UBAP2: variants seen among roughly 807,000 people sequenced by gnomAD.
UBAP2 encodes the protein ubiquitin-associated protein 2.
A neutral mutation model predicts 139.6 loss-of-function variants in UBAP2; 75 were observed. The observed-to-expected ratio is 0.54, with a 90% confidence interval of 0.45 to 0.65. The LOEUF (loss-of-function observed/expected upper bound fraction) is 0.65, where lower values mean the gene tolerates loss of function less well. Ranked by LOEUF, UBAP2 falls within the 30% of genes least tolerant of loss-of-function variation. The pLI, the probability that UBAP2 is intolerant of heterozygous loss-of-function variation, is 0.00. For missense variants in UBAP2, 1,368 were observed against 1,369.6 expected, an observed-to-expected ratio of 1.00 and a Z score of 0.02; for synonymous variants, 526 against 526.2, an observed-to-expected ratio of 1.00 and a Z score of 0.01.
At chr9:33,975,418 T>G (rs1587595116) in intron 6 of UBAP2, among the ~76,000 whole-genome samples, 7 of 132,078 alleles carry the variant, frequency 5.3e-5, no homozygotes, top group Admixed American at 7.9e-5. Flanking sequence ...GGTGACAGAG[T>G]GAGGCTCTAT....
intron 2 of UBAP2, among the ~76,000 whole-genome samples, chr9:34,011,910 A>T (rs759883952): frequency 1.3e-5 from 2 of 152,050 alleles, no homozygotes; most frequent in African/African-American, 4.8e-5. Flanking sequence ...ATGAATCCAA[A>T]TTTTTTTTAA....
chr9:34,012,838 G>GT lies in UBAP2; in HGVS notation c.99+4211dup, dbSNP rs1237270737. Among the ~76,000 whole-genome samples, 434 of 135,556 alleles carry GT rather than the reference G, an allele frequency of 3.2e-3. 2 individuals are homozygous for GT. The highest frequency in any genetic ancestry group is 5.7e-3 in the Non-Finnish European group (341 of 59,830). 88.9% of individuals were successfully genotyped at this position (135,556 alleles called of 152,430 possible). A position where few individuals can be genotyped will look rare whatever the true frequency, so the allele number is the denominator to read the frequency against. On this transcript the variant is annotated intron_variant, in intron 2 of 28. Coordinates refer to ENST00000379238, the MANE Select transcript of UBAP2 (RefSeq NM_001370062.2). ...GCAACTTTTCCGTAAATCTCACAAT[G>GT]TATTTTTTTTTTTTTTAAATTGAGG...
intron 19 of UBAP2, chr9:33,928,257 G>A (rs1823649862): frequency 7.8e-6 from 3 of 386,446 alleles, no homozygotes; most frequent in Admixed American, 8.3e-5. Context: ...ACAACTCTCT[G>A]TAAAAATCCT....
chr9:33,970,437 ATTT>A (rs796983789), intron 8 of UBAP2, among the ~76,000 whole-genome samples: 1 of 144,030 alleles, frequency 6.9e-6, no homozygotes, highest in African/African-American at 2.5e-5. Flanking sequence ...TGTGTGCATT[ATTT>A]TTTTTTTTCA....
chr9:33,970,002 T>C (rs1827795375), intron 8 of UBAP2, among the ~76,000 whole-genome samples: 1 of 121,042 alleles, frequency 8.3e-6, no homozygotes, highest in African/African-American at 3.1e-5. Flanking sequence ...CGATCTCAGC[T>C]CACTGCAACC....
intron 1 of UBAP2, among the ~76,000 whole-genome samples, chr9:34,037,751 A>G (rs751275215): frequency 1.8e-4 from 27 of 152,268 alleles, no homozygotes; most frequent in Middle Eastern, 6.8e-3. Context: ...TCAGTAGTGT[A>G]CTTCAGTCAC....
At chr9:33,982,539 A>C (rs1820853487) in intron 6 of UBAP2, among the ~76,000 whole-genome samples, 1 of 151,342 alleles carries the variant, frequency 6.6e-6, no homozygotes, top group Non-Finnish European at 1.5e-5. Flanking sequence ...GTTTAAATGG[A>C]CTATGTTTTT....
intron 15 of UBAP2, among the ~76,000 whole-genome samples, chr9:33,942,247 G>A (rs1384492810): frequency 6.6e-6 from 1 of 152,134 alleles, no homozygotes; most frequent in Non-Finnish European, 1.5e-5. Context: ...GGGAGGCAGA[G>A]GTTGCAGTGA....
rs542257002 is a variant in UBAP2 at position 34,005,078 on chromosome 9, C to T, written c.100-6214G>A. On this transcript the variant is annotated intron_variant, in intron 2 of 28. Coordinates refer to ENST00000379238, the MANE Select transcript of UBAP2 (RefSeq NM_001370062.2). ...AGGAGTTCAAGACCAGCCTGGCCAA[C>T]ATGGTGAAACCCCGTCTACACTAAA... is the stretch of plus-strand genomic sequence containing the variant. Among the ~76,000 whole-genome samples, 9 of 152,080 alleles carry T rather than the reference C, an allele frequency of 5.9e-5. No homozygotes were observed. The South Asian group carries it at 1.9e-3, about 32-fold the overall frequency.
At position 33,986,796 on chromosome 9, in the gene UBAP2, T is replaced by G. The variant is rs768325428; in HGVS notation, c.484A>C (p.Lys162Gln). The G allele has an allele frequency of 6.2e-7, 1 of 1,614,180 alleles. No homozygotes were observed. The highest frequency in any genetic ancestry group is 1.1e-5 in the South Asian group (1 of 91,084). ...ENGIDCNQVDKPSDRGKRARG... is the reference protein window; with the variant it reads ...ENGIDCNQVDQPSDRGKRARG... ...GCTCGCTTGCCACGATCTGAAGGTT[T>G]GTCCACTTGATTGCAATCAATTCCA... Residue 162 changes from lysine to glutamine, a missense_variant, in exon 6 of 29, where the codon AAA becomes CAA. Lys to Gln is a moderately conservative substitution (Grantham distance 53). Coordinates refer to ENST00000379238, the MANE Select transcript of UBAP2 (RefSeq NM_001370062.2).
At chr9:33,969,043 A>G (rs747393971) in intron 8 of UBAP2, among the ~76,000 whole-genome samples, 14 of 152,140 alleles carry the variant, frequency 9.2e-5, no homozygotes, top group Non-Finnish European at 1.5e-4. Flanking sequence ...CATTCTATGT[A>G]TATTCTATAT....
chr9:33,996,529 T>C, intron 3 of UBAP2, 196 bp from the exon 4 acceptor site: 3 of 500,206 alleles, frequency 6.0e-6, no homozygotes, highest in Non-Finnish European at 1.1e-5. Context: ...CTAACACTGG[T>C]AGAATCTAAC....
intron 1 of UBAP2, among the ~76,000 whole-genome samples, chr9:34,031,907 A>C (rs1451066204): frequency 6.6e-6 from 1 of 152,086 alleles, no homozygotes; most frequent in African/African-American, 2.4e-5. Flanking sequence ...GAAGCCAAGG[A>C]GGGAGGACTT....
intron 6 of UBAP2, among the ~76,000 whole-genome samples, chr9:33,973,741 C>T (rs151291929): frequency 6.6e-6 from 1 of 152,112 alleles, no homozygotes; most frequent in East Asian, 1.9e-4. Context: ...TCATTAAAAT[C>T]CTAAACTGAA....
chr9:33,998,898 C>A lies in UBAP2; in HGVS notation c.100-34G>T, dbSNP rs756106193. 6 of 1,576,310 alleles carry A rather than the reference C, an allele frequency of 3.8e-6. No individual in the cohort carries two copies. The African/African-American group carries it at 5.4e-5, about 14-fold the overall frequency. On this transcript the variant is annotated intron_variant, in intron 2 of 28. Transcript: ENST00000379238. ...TACATACAATTGTTAAGGATTTGAACACCAAAAGCATAAGTTAGATTCCAA... is the reference window on the plus strand; with the variant it reads ...TACATACAATTGTTAAGGATTTGAAAACCAAAAGCATAAGTTAGATTCCAA...
chr9:33,937,401 G>C (rs1055416466), intron 16 of UBAP2, among the ~76,000 whole-genome samples: 4 of 151,968 alleles, frequency 2.6e-5, no homozygotes, highest in African/African-American at 9.7e-5. Flanking sequence ...GAGGTCAGGA[G>C]ATCGAGACCA....
At chr9:34,005,186 C>A (rs942413830) in intron 2 of UBAP2, among the ~76,000 whole-genome samples, 1 of 151,502 alleles carries the variant, frequency 6.6e-6, no homozygotes, top group African/African-American at 2.4e-5. Flanking sequence ...TCATTTGAAC[C>A]CGAGAGGCGG....
At chr9:34,040,745 G>C (rs775244482) in intron 1 of UBAP2, among the ~76,000 whole-genome samples, 8 of 152,226 alleles carry the variant, frequency 5.3e-5, no homozygotes, top group Non-Finnish European at 1.2e-4. Flanking sequence ...CAGTCTTTGA[G>C]AATGAATTCC....
chr9:33,970,520 G>C (rs1230247401), intron 8 of UBAP2, among the ~76,000 whole-genome samples: 15 of 150,116 alleles, frequency 1.0e-4, no homozygotes, highest in Non-Finnish European at 2.1e-4. Context: ...TCCTCAACCT[G>C]CCAGGCTCAA....
Sources: allele counts gnomAD v4.1 joint callset (sites outside exome capture counted in the v4.1 genomes callset), GRCh38; gene constraint gnomAD v4.1.1; transcripts MANE v1.5; gene names NCBI Gene and HGNC (gene_info 2026-07-23, HGNC 2026-07-21).